GALNT18: variants seen among roughly 807,000 people sequenced by gnomAD.
GALNT18 encodes the protein GalNAc-transferase 18.
A neutral mutation model predicts 69.5 loss-of-function variants in GALNT18; 44 were observed. The ratio of observed to expected loss-of-function variants is 0.63; its 90% confidence interval spans 0.50 to 0.81. The LOEUF (loss-of-function observed/expected upper bound fraction) is 0.81, where lower values mean the gene tolerates loss of function less well. Ranked by LOEUF, GALNT18 falls within the 40% of genes least tolerant of loss-of-function variation. GALNT18 has a pLI of 0.00. For synonymous variants in GALNT18, 364 were observed against 318.2 expected, an observed-to-expected ratio of 1.14 and a Z score of -1.53; for missense variants, 715 against 810.0, an observed-to-expected ratio of 0.88 and a Z score of 1.42.
At chr11:11,507,659 C>G (rs896674712) in intron 1 of GALNT18, among the ~76,000 whole-genome samples, 9 of 152,174 alleles carry the variant, frequency 5.9e-5, no homozygotes, top group African/African-American at 1.9e-4. Context: ...CCTGCTCCAC[C>G]TCTGTGATGG....
At position 11,307,289 on chromosome 11, in the gene GALNT18, G is replaced by T. The variant is rs374601964; in HGVS notation, c.1513-14096C>A. On this transcript the variant is annotated intron_variant, in intron 9 of 10. Transcript: ENST00000227756. ...TTTGTAAAGTATATGGCACACAAGGGAGGTGTTCAGCAAATTACATTCATT... is the reference window on the plus strand; with the variant it reads ...TTTGTAAAGTATATGGCACACAAGGTAGGTGTTCAGCAAATTACATTCATT... 9.2e-4 allele frequency among the ~76,000 whole-genome samples: 140 copies of T among 152,308 alleles called. 1 individual carries two copies. The highest frequency in any genetic ancestry group is 3.0e-3 in the African/African-American group (123 of 41,544).
intron 7 of GALNT18, among the ~76,000 whole-genome samples, chr11:11,333,600 C>T (rs976214759): frequency 3.3e-5 from 5 of 152,150 alleles, no homozygotes; most frequent in African/African-American, 7.2e-5. Context: ...TCTGCCTCCT[C>T]GGACCAAGTC....
Position 11,396,970 on chromosome 11 carries a change from TGG to T in GALNT18, c.596-17708_596-17707del, listed in dbSNP as rs1564928136. Among the ~76,000 whole-genome samples the T allele has an allele frequency of 3.3e-5, 5 of 152,146 alleles. No individual in the cohort carries two copies. The highest frequency in any genetic ancestry group is 5.9e-5 in the Non-Finnish European group (4 of 68,022). The stretch of plus-strand genomic sequence containing the variant: ...CTCCCCTGTGCATCTTGGGGGTCTC[TGG>T]GAGTCAGAGGAAACCTAGGAGTCTT... On this transcript the variant is annotated intron_variant, in intron 3 of 10. Transcript: ENST00000227756. The surrounding 1 kb of genome is among the most constrained non-coding windows in gnomAD (Gnocchi z 5.2).
chr11:11,360,232 C>A (rs1403828549), intron 6 of GALNT18, among the ~76,000 whole-genome samples: 1 of 152,226 alleles, frequency 6.6e-6, no homozygotes, highest in Admixed American at 6.5e-5. Context: ...AGGATGCTCA[C>A]TCCTTCCTCA....
chr11:11,599,998 A>G (rs185640796), intron 1 of GALNT18, among the ~76,000 whole-genome samples: 2 of 152,186 alleles, frequency 1.3e-5, no homozygotes, highest in African/African-American at 4.8e-5. Context: ...ATCCAAGTCC[A>G]TTAACTTAAT....
In GALNT18 at chr11:11,604,631, A is replaced by G. The variant is rs1859705707; in HGVS notation, c.235+16728T>C. The stretch of plus-strand genomic sequence containing the variant: ...CTTAGCAACCAGAATGCAGAGCACC[A>G]TTTCAGAGCTTTGAGAAGCTTCCTG... On this transcript the variant is annotated intron_variant, in intron 1 of 10. Transcript: ENST00000227756. The surrounding 1 kb of genome is among the most constrained non-coding windows in gnomAD (Gnocchi z 5.6). 6.6e-6 allele frequency among the ~76,000 whole-genome samples: 1 copy of G among 152,212 alleles called. No homozygotes were observed. Among genetic ancestry groups the G allele is most frequent in the Admixed American group, 6.5e-5 (1 of 15,286 alleles).
chr11:11,462,979 C>T lies in GALNT18; in HGVS notation c.236-14043G>A, dbSNP rs867703742. 9.9e-5 allele frequency among the ~76,000 whole-genome samples: 15 copies of T among 152,272 alleles called. No homozygotes were observed. The Middle Eastern group carries it at 0.017, about 173-fold the overall frequency. On this transcript the variant is annotated intron_variant, in intron 1 of 10. Transcript: ENST00000227756. ...ACCAGCAAACCTCCTCTCTCAGAGA[C>T]CCCTTAACTGTGTTGGTGCCTGGGT...
chr11:11,587,618 A>G lies in GALNT18; in HGVS notation c.235+33741T>C, dbSNP rs1218933028. On this transcript the variant is annotated intron_variant, in intron 1 of 10. Coordinates refer to ENST00000227756, the MANE Select transcript of GALNT18 (RefSeq NM_198516.3). The surrounding 1 kb of genome is among the most constrained non-coding windows in gnomAD (Gnocchi z 4.4). The stretch of plus-strand genomic sequence containing the variant: ...AGCTGAAGTTGATGTTTTACATGGA[A>G]TGCCCTCACCAATGCTGTTTCCAAA... Among the ~76,000 whole-genome samples the G allele has an allele frequency of 1.3e-5, 2 of 152,214 alleles. No individual in the cohort carries two copies. The highest frequency in any genetic ancestry group is 6.5e-5 in the Admixed American group (1 of 15,280).
chr11:11,414,634 T>C (rs969607763), intron 3 of GALNT18, among the ~76,000 whole-genome samples: 8 of 152,204 alleles, frequency 5.3e-5, no homozygotes, highest in African/African-American at 1.9e-4. Flanking sequence ...TTTTAAGGCA[T>C]TTATTATGGC....
intron 1 of GALNT18, among the ~76,000 whole-genome samples, chr11:11,509,751 C>T (rs927758647): frequency 6.6e-6 from 1 of 152,204 alleles, no homozygotes; most frequent in Non-Finnish European, 1.5e-5. Context: ...TGGCCACAGG[C>T]CTTTGGCCAC....
In GALNT18 at chr11:11,332,941, G is replaced by T; in HGVS notation, c.1279-110C>A. On this transcript the variant is annotated intron_variant, in intron 7 of 10. Transcript: ENST00000227756. The surrounding 1 kb of genome is among the most constrained non-coding windows in gnomAD (Gnocchi z 4.3). The stretch of plus-strand genomic sequence containing the variant: ...CCCAACAAGATTCCTAGAGACTGGG[G>T]AAGGGACCATGTGGCACGTTAACTC... 2 of 1,223,550 alleles carry T rather than the reference G, an allele frequency of 1.6e-6. No homozygotes were observed. Among genetic ancestry groups the T allele is most frequent in the Non-Finnish European group, 2.3e-6 (2 of 854,496 alleles). 75.8% of individuals were successfully genotyped at this position (1,223,550 alleles called of 1,614,324 possible). A position where few individuals can be genotyped will look rare whatever the true frequency, so the allele number is the denominator to read the frequency against.
intron 9 of GALNT18, among the ~76,000 whole-genome samples, chr11:11,308,696 T>C (rs1001050119): frequency 6.6e-6 from 1 of 152,104 alleles, no homozygotes; most frequent in East Asian, 1.9e-4. Context: ...GTAAAAAACA[T>C]CTCCTCTGTA....
intron 6 of GALNT18, among the ~76,000 whole-genome samples, chr11:11,348,968 C>G (rs188685453): frequency 4.6e-5 from 7 of 152,170 alleles, no homozygotes; most frequent in African/African-American, 1.7e-4. Context: ...TTTGGCAGTA[C>G]CTTAGAAACC....
At chr11:11,344,919 C>T (rs937252517) in intron 6 of GALNT18, among the ~76,000 whole-genome samples, 2 of 152,198 alleles carry the variant, frequency 1.3e-5, no homozygotes, top group African/African-American at 2.4e-5. Flanking sequence ...GCTGTGGGCT[C>T]AGGGAGCCCC....
In GALNT18 at chr11:11,596,309, C is replaced by CA. The variant is rs1859499345; in HGVS notation, c.235+25049dup. Reference sequence around the variant, plus strand: ...GTAGCTTCACAGTACATTTTCAGATCAAAAAAATGTGAGTTGTCCATTTTG... The same window carrying CA: ...GTAGCTTCACAGTACATTTTCAGATCAAAAAAAATGTGAGTTGTCCATTTTG... On this transcript the variant is annotated intron_variant, in intron 1 of 10. Transcript: ENST00000227756. This position sits in a 1 kb window ranked among gnomAD's most constrained non-coding sequence, Gnocchi z 4.2. Among the ~76,000 whole-genome samples, 1 of 151,952 alleles carries CA rather than the reference C, an allele frequency of 6.6e-6. No homozygotes were observed. Among genetic ancestry groups the CA allele is most frequent in the African/African-American group, 2.4e-5 (1 of 41,398 alleles).
chr11:11,328,996 CA>C (rs199591790), intron 8 of GALNT18, among the ~76,000 whole-genome samples: 6,344 of 152,166 alleles, frequency 0.042, 187 homozygotes, highest in Middle Eastern at 0.075. Flanking sequence ...CCCCACCCCC[CA>C]CCATCCCTTA....
At chr11:11,472,090 G>A (rs1436324544) in intron 1 of GALNT18, among the ~76,000 whole-genome samples, 1 of 152,192 alleles carries the variant, frequency 6.6e-6, no homozygotes, top group Admixed American at 6.5e-5. Context: ...TGCAGAGTGT[G>A]CAGCCAGGAA....
At chr11:11,292,094 G>C (rs567915513) in intron 10 of GALNT18, among the ~76,000 whole-genome samples, 1 of 152,266 alleles carries the variant, frequency 6.6e-6, no homozygotes, top group Non-Finnish European at 1.5e-5. Context: ...CTGCCACTCA[G>C]TTCCATGAAT....
intron 1 of GALNT18, among the ~76,000 whole-genome samples, chr11:11,557,467 G>A (rs1858358881): frequency 6.6e-6 from 1 of 152,162 alleles, no homozygotes; most frequent in African/African-American, 2.4e-5. Context: ...CTTCAGAGCT[G>A]TCAGGGAACT....
Sources: allele counts gnomAD v4.1 joint callset (sites outside exome capture counted in the v4.1 genomes callset), GRCh38; gene constraint gnomAD v4.1.1; non-coding constraint Gnocchi (gnomAD v3.1); transcripts MANE v1.5; gene names NCBI Gene and HGNC (gene_info 2026-07-23, HGNC 2026-07-21).